ZFHX3: variants seen among roughly 807,000 people sequenced by gnomAD.
ZFHX3 encodes zinc finger homeobox 3.
ZFHX3 carries 42 observed loss-of-function variants against 279.1 expected under a neutral mutation model. The observed-to-expected ratio is 0.15, with a 90% CI of 0.12 to 0.19. The LOEUF (loss-of-function observed/expected upper bound fraction) is 0.19, where lower values mean the gene tolerates loss of function less well. Ranked by LOEUF, ZFHX3 falls within the 10% of genes least tolerant of loss-of-function variation. ZFHX3 has a pLI of 1.00. For missense variants in ZFHX3, 4,981 were observed against 4,754.0 expected (o/e 1.05, Z -1.40); for synonymous variants, 2,293 against 1,957.8 (o/e 1.17, Z -4.52).
intron 3 of ZFHX3, among the ~76,000 whole-genome samples, chr16:73,368,900 C>T (rs993079581): frequency 6.6e-6 from 1 of 152,158 alleles, no homozygotes; most frequent in Non-Finnish European, 1.5e-5. Context: ...AGTAACTTGC[C>T]TAAGGTCACA....
chr16:73,871,494 A>AAGAG (rs552408513), intron 1 of ZFHX3, among the ~76,000 whole-genome samples: 13 of 149,634 alleles, frequency 8.7e-5, no homozygotes, highest in South Asian at 2.1e-4. Flanking sequence ...TAAAAAAAAA[A>AAGAG]AGAGAGAGAG....
At chr16:73,395,395 C>T (rs1238289879) in intron 3 of ZFHX3, among the ~76,000 whole-genome samples, 1 of 150,566 alleles carries the variant, frequency 6.6e-6, no homozygotes, top group Non-Finnish European at 1.5e-5. Context: ...ACCTGGGAGG[C>T]AGAGGTTGCA....
At chr16:72,995,942 TCCTATCTTGGTA>T (rs1444996803) in intron 1 of ZFHX3, among the ~76,000 whole-genome samples, 1 of 152,204 alleles carries the variant, frequency 6.6e-6, no homozygotes, top group East Asian at 1.9e-4. Flanking sequence ...GGAGGCACTG[TCCTATCTTGGTA>T]ATTATGAAGG....
At chr16:72,843,862 C>G (rs1046698085) in intron 4 of ZFHX3, among the ~76,000 whole-genome samples, 1 of 152,128 alleles carries the variant, frequency 6.6e-6, no homozygotes. Flanking sequence ...CAAAGCAAAC[C>G]CCACGATACA....
At chr16:73,628,238 TTAC>T (rs1479667007) in intron 2 of ZFHX3, among the ~76,000 whole-genome samples, 1 of 152,204 alleles carries the variant, frequency 6.6e-6, no homozygotes, top group Non-Finnish European at 1.5e-5. Context: ...CTTTTAAAAA[TTAC>T]TAGGTGACCC....
intron 3 of ZFHX3, chr16:73,401,737 T>A (rs1289372413): frequency 6.6e-6 from 1 of 152,186 alleles, no homozygotes; most frequent in African/African-American, 2.4e-5. Context: ...TTCTAAAATG[T>A]CTCCAGCCTA....
intron 1 of ZFHX3, among the ~76,000 whole-genome samples, chr16:72,983,560 A>G (rs926651440): frequency 1.3e-5 from 2 of 152,218 alleles, no homozygotes; most frequent in African/African-American, 4.8e-5. Context: ...TTAAAAAATT[A>G]GCTGGGAGTG....
intron 2 of ZFHX3, among the ~76,000 whole-genome samples, chr16:73,657,771 G>C (rs2052737637): frequency 6.6e-6 from 1 of 152,148 alleles, no homozygotes; most frequent in Non-Finnish European, 1.5e-5. Context: ...TGTTGCATGT[G>C]TCAGTACCTC....
intron 3 of ZFHX3, among the ~76,000 whole-genome samples, chr16:72,947,732 A>G (rs1242153103): frequency 6.6e-6 from 1 of 152,076 alleles, no homozygotes; most frequent in African/African-American, 2.4e-5. Flanking sequence ...GGGGTGAGGA[A>G]GGAGGGTTGT....
At chr16:73,576,268 A>T (rs1440592290) in intron 2 of ZFHX3, among the ~76,000 whole-genome samples, 2 of 152,238 alleles carry the variant, frequency 1.3e-5, no homozygotes, top group East Asian at 3.8e-4. Flanking sequence ...AAGAGCCTTC[A>T]TCAACTTGTA....
At chr16:73,693,476 G>A (rs2053167726) in intron 1 of ZFHX3, among the ~76,000 whole-genome samples, 1 of 152,098 alleles carries the variant, frequency 6.6e-6, no homozygotes, top group African/African-American at 2.4e-5. Flanking sequence ...GCACCGAGAA[G>A]TGTTCCCGGA....
At chr16:73,176,953 G>GC (rs1247764120) in intron 5 of ZFHX3, among the ~76,000 whole-genome samples, 3 of 152,028 alleles carry the variant, frequency 2.0e-5, no homozygotes, top group African/African-American at 7.2e-5. Context: ...GCATCAGCAT[G>GC]ACTAAGTCAT....
At position 72,946,749 on chromosome 16, in the gene ZFHX3, G is replaced by C. The variant is rs13334998; in HGVS notation, c.3216+3720C>G. Among the ~76,000 whole-genome samples the C allele has an allele frequency of 9.1e-3, 1,387 of 152,316 alleles. 24 individuals carry two copies. Among genetic ancestry groups the C allele is most frequent in the African/African-American group, 0.032 (1,326 of 41,568 alleles). On this transcript the variant is annotated intron_variant, in intron 3 of 9. Coordinates refer to ENST00000268489, the MANE Select transcript of ZFHX3 (RefSeq NM_006885.4). ...AGAGGGCAAGCATGTGTCAGTGACAGCCGCTCTCCTAGTTCTGAGGATCAA... is the reference window on the plus strand; with the variant it reads ...AGAGGGCAAGCATGTGTCAGTGACACCCGCTCTCCTAGTTCTGAGGATCAA...
At chr16:73,682,311 CAAT>C (rs1335804459) in intron 1 of ZFHX3, among the ~76,000 whole-genome samples, 1 of 152,024 alleles carries the variant, frequency 6.6e-6, no homozygotes, top group Non-Finnish European at 1.5e-5. Context: ...TATATTTTGA[CAAT>C]AAAATACATT....
At chr16:73,638,891 G>C (rs540332867) in intron 2 of ZFHX3, among the ~76,000 whole-genome samples, 1 of 152,322 alleles carries the variant, frequency 6.6e-6, no homozygotes, top group African/African-American at 2.4e-5. Flanking sequence ...GCATCTGAAA[G>C]TAGGTCTTGG....
intron 1 of ZFHX3, among the ~76,000 whole-genome samples, chr16:73,009,348 G>A (rs8060855): frequency 0.063 from 9,628 of 152,008 alleles, 342 homozygotes; most frequent in Middle Eastern, 0.12. Context: ...GAAGGATGCC[G>A]GTAAACAGAA....
At chr16:73,132,408 A>G (rs1410419045) in intron 6 of ZFHX3, among the ~76,000 whole-genome samples, 1 of 152,182 alleles carries the variant, frequency 6.6e-6, no homozygotes, top group Non-Finnish European at 1.5e-5. Context: ...TCTGGAATCA[A>G]TTCAAGAAGA....
At position 73,843,964 on chromosome 16, in the gene ZFHX3, G is replaced by A. The variant is rs950927595; in HGVS notation, c.-1608+47687C>T. ...ATATTCTTTCAATTCTTTTTTCAAC[G>A]ATTTAAAAATGTAGAAATCATTCTT... On this transcript the variant is annotated intron_variant, in intron 1 of 17. Transcript: ENST00000641206. Among the ~76,000 whole-genome samples, 5 of 152,068 alleles carry A rather than the reference G, an allele frequency of 3.3e-5. No homozygotes were observed. The East Asian group carries it at 9.6e-4, about 29-fold the overall frequency.
intron 1 of ZFHX3, among the ~76,000 whole-genome samples, chr16:73,757,666 G>A (rs1197734355): frequency 6.6e-6 from 1 of 152,178 alleles, no homozygotes; most frequent in Non-Finnish European, 1.5e-5. Context: ...TTATTATTAT[G>A]TGAGGGCATT....
Sources: allele counts gnomAD v4.1 joint callset (sites outside exome capture counted in the v4.1 genomes callset), GRCh38; gene constraint gnomAD v4.1.1; transcripts MANE v1.5; gene names NCBI Gene and HGNC (gene_info 2026-07-23, HGNC 2026-07-21).